The following LRRTM4 variants were observed in gnomAD, a reference collection of about 807,000 sequenced individuals.
The protein encoded by LRRTM4 is leucine rich repeat transmembrane neuronal 4, also known as leucine-rich repeat transmembrane neuronal protein 4.
Under a neutral mutation model 47.6 loss-of-function variants are expected in LRRTM4, and 25 were observed. The observed-to-expected ratio is 0.53, with a 90% CI of 0.38 to 0.73. The LOEUF (loss-of-function observed/expected upper bound fraction) is 0.73. Among genes scored for constraint, LRRTM4 ranks in the 30% least tolerant of loss-of-function variants. LRRTM4 has a pLI of 0.00. For synonymous variants in LRRTM4, 311 were observed against 269.5 expected, an observed-to-expected ratio of 1.15 and a Z score of -1.51; for missense variants, 638 against 713.4, an observed-to-expected ratio of 0.89 and a Z score of 1.20.
At chr2:76,911,940 G>GGT (rs1553429890) in intron 3 of LRRTM4, among the ~76,000 whole-genome samples, 2 of 136,330 alleles carry the variant, frequency 1.5e-5, no homozygotes, top group Non-Finnish European at 3.2e-5. Context: ...CTTTTTGGGG[G>GGT]GGGGGGGGGG....
At position 76,775,487 on chromosome 2, in the gene LRRTM4, A is replaced by T. The variant is rs183822834; in HGVS notation, c.1552-26571T>A. Among the ~76,000 whole-genome samples, 305 of 152,292 alleles carry T rather than the reference A, an allele frequency of 2.0e-3. 5 individuals are homozygous for T. The South Asian group carries it at 0.037, about 19-fold the overall frequency. ...CAAAAGAACTCTAAAGGGCAATTAT[A>T]TACTGGAAAGGTATTTTTTGACAAT... On this transcript the variant is annotated intron_variant, in intron 3 of 3. Coordinates refer to ENST00000409884, the MANE Select transcript of LRRTM4 (RefSeq NM_001134745.3).
chr2:77,163,565 G>A (rs751627855), intron 3 of LRRTM4, among the ~76,000 whole-genome samples: 7 of 152,176 alleles, frequency 4.6e-5, no homozygotes, highest in Non-Finnish European at 5.9e-5. Context: ...AATGTTAAGG[G>A]CAGCCAGAGA....
At chr2:76,767,616 C>A (rs1030177832) in intron 3 of LRRTM4, among the ~76,000 whole-genome samples, 1 of 152,148 alleles carries the variant, frequency 6.6e-6, no homozygotes, top group African/African-American at 2.4e-5. Context: ...GAATCACAAA[C>A]AGATTTTCAG....
At chr2:77,029,288 A>G (rs887781729) in intron 3 of LRRTM4, among the ~76,000 whole-genome samples, 11 of 151,910 alleles carry the variant, frequency 7.2e-5, no homozygotes, top group Non-Finnish European at 1.2e-4. Flanking sequence ...GAAGTCCCAC[A>G]ATAGGCCGTC....
At chr2:77,246,741 AT>A (rs1675456684) in intron 3 of LRRTM4, among the ~76,000 whole-genome samples, 1 of 152,116 alleles carries the variant, frequency 6.6e-6, no homozygotes, top group African/African-American at 2.4e-5. Context: ...GGATATATAT[AT>A]GGATGTGTGT....
intron 3 of LRRTM4, among the ~76,000 whole-genome samples, chr2:76,820,531 G>A (rs974932890): frequency 2.0e-5 from 3 of 151,686 alleles, no homozygotes; most frequent in Admixed American, 6.6e-5. Flanking sequence ...GAGCTGTATC[G>A]CTAGAAGAAA....
chr2:77,021,199 T>C lies in LRRTM4; in HGVS notation c.1552-272283A>G, dbSNP rs575462768. On this transcript the variant is annotated intron_variant, in intron 3 of 3. Transcript: ENST00000409884. ...ATATGTATATAATCAGTGATATATA[T>C]ATATCAGTGATGTATATATCAGTGA... 4.0e-5 allele frequency among the ~76,000 whole-genome samples: 6 copies of C among 149,856 alleles called. No homozygotes were observed. The South Asian group carries it at 1.2e-3, about 31-fold the overall frequency.
chr2:77,423,519 G>A (rs1456870434), intron 3 of LRRTM4, among the ~76,000 whole-genome samples: 1 of 152,078 alleles, frequency 6.6e-6, no homozygotes, highest in Non-Finnish European at 1.5e-5. Context: ...TAGTAGCATG[G>A]CACCATGCAT....
chr2:77,069,190 A>G (rs921964047), intron 3 of LRRTM4, among the ~76,000 whole-genome samples: 1 of 151,898 alleles, frequency 6.6e-6, no homozygotes, highest in East Asian at 1.9e-4. Context: ...GTGTGTCTTT[A>G]ATTTCTCTAG....
chr2:77,172,218 T>C (rs911755228), intron 3 of LRRTM4, among the ~76,000 whole-genome samples: 2 of 152,224 alleles, frequency 1.3e-5, no homozygotes, highest in Admixed American at 6.5e-5. Flanking sequence ...TAGAGTACTA[T>C]TGATGAAATG....
chr2:77,049,819 T>C (rs1222829975), intron 3 of LRRTM4, among the ~76,000 whole-genome samples: 1 of 152,052 alleles, frequency 6.6e-6, no homozygotes, highest in South Asian at 2.1e-4. Context: ...TCTATTTTTA[T>C]TTTTGTTGCC....
intron 3 of LRRTM4, among the ~76,000 whole-genome samples, chr2:77,358,216 T>C (rs1380310076): frequency 6.6e-6 from 1 of 152,206 alleles, no homozygotes; most frequent in Admixed American, 6.5e-5. Flanking sequence ...CTCGTGGTTC[T>C]GCAGACGGTA....
intron 3 of LRRTM4, among the ~76,000 whole-genome samples, chr2:77,056,675 C>A (rs1299685505): frequency 6.6e-6 from 1 of 152,098 alleles, no homozygotes; most frequent in Non-Finnish European, 1.5e-5. Context: ...TATTGTGTAT[C>A]AGTAAGAAAT....
chr2:76,847,900 T>TATCA (rs1448145218), intron 3 of LRRTM4, among the ~76,000 whole-genome samples: 1 of 152,122 alleles, frequency 6.6e-6, no homozygotes, highest in Non-Finnish European at 1.5e-5. Flanking sequence ...GAGATTTGCC[T>TATCA]ATCATTCAGT....
In LRRTM4 at chr2:77,435,900, T is replaced by C. The variant is rs115123266; in HGVS notation, c.1551+82418A>G. 5.5e-3 allele frequency among the ~76,000 whole-genome samples: 833 copies of C among 152,242 alleles called. 4 individuals are homozygous for C. Among genetic ancestry groups the C allele is most frequent in the South Asian group, 0.023 (112 of 4,822 alleles). The stretch of plus-strand genomic sequence containing the variant: ...CCTGCAGATTCAGGACACTAAAACT[T>C]TTACCTAGACCATACTGCAAGGGAA... On this transcript the variant is annotated intron_variant, in intron 3 of 3. Coordinates refer to ENST00000409884, the MANE Select transcript of LRRTM4 (RefSeq NM_001134745.3).
At chr2:77,350,265 G>T (rs1481676958) in intron 3 of LRRTM4, among the ~76,000 whole-genome samples, 1 of 136,286 alleles carries the variant, frequency 7.3e-6, no homozygotes, top group Non-Finnish European at 1.5e-5. Context: ...AGCGGAGCTT[G>T]CAGTGAGCCG....
intron 3 of LRRTM4, among the ~76,000 whole-genome samples, chr2:77,453,388 G>A (rs1573435963): frequency 6.6e-6 from 1 of 151,864 alleles, no homozygotes; most frequent in Admixed American, 6.6e-5. Context: ...CACCGTGTTA[G>A]CAAGGATGGT....
chr2:77,090,438 TA>T (rs1442728381), intron 3 of LRRTM4, among the ~76,000 whole-genome samples: 4 of 152,128 alleles, frequency 2.6e-5, no homozygotes, highest in Non-Finnish European at 5.9e-5. Context: ...CGACATTAAA[TA>T]AAACTCCAAA....
chr2:77,124,894 A>G lies in LRRTM4; in HGVS notation c.1552-375978T>C, dbSNP rs537631283. ...GTCTGTGGTCCCACGTGCACTGCAG[A>G]TATGTCTTCAGGAAACAGGAATAAG... On this transcript the variant is annotated intron_variant, in intron 3 of 3. Coordinates refer to ENST00000409884, the MANE Select transcript of LRRTM4 (RefSeq NM_001134745.3). Among the ~76,000 whole-genome samples the G allele has an allele frequency of 1.9e-4, 29 of 152,236 alleles. 1 individual carries two copies. The South Asian group carries it at 5.8e-3, about 30-fold the overall frequency.
Sources: allele counts gnomAD v4.1 joint callset (sites outside exome capture counted in the v4.1 genomes callset), GRCh38; gene constraint gnomAD v4.1.1; transcripts MANE v1.5; gene names NCBI Gene and HGNC (gene_info 2026-07-23, HGNC 2026-07-21).